The following GRB10 variants were observed in gnomAD, a reference collection of about 807,000 sequenced individuals.
GRB10 encodes growth factor receptor bound protein 10, also known as growth factor receptor-bound protein 10.
In GRB10, 20 loss-of-function variants were observed where a neutral mutation model predicts 80.9. That is an observed-to-expected ratio of 0.25 (90% CI 0.17 to 0.36). The LOEUF (loss-of-function observed/expected upper bound fraction) is 0.36, where lower values mean the gene tolerates loss of function less well. GRB10 is among the 10% of genes least tolerant of loss of function. GRB10 has a pLI of 1.00. For missense variants in GRB10, 548 were observed against 747.7 expected, an observed-to-expected ratio of 0.73 and a Z score of 3.12; for synonymous variants, 291 against 291.5, an observed-to-expected ratio of 1.00 and a Z score of 0.02.
rs1367983782 is a variant in GRB10 at position 50,592,271 on chromosome 7, G to A, written c.*681C>T. 6.4e-6 allele frequency: 1 copy of A among 155,870 alleles called. No homozygotes were observed. Among genetic ancestry groups the A allele is most frequent in the Non-Finnish European group, 1.4e-5 (1 of 70,468 alleles). The allele number at this position is 155,870 out of a possible 1,614,324, so 9.7% of individuals were successfully genotyped here. A position where few individuals can be genotyped will look rare whatever the true frequency, so the allele number is the denominator to read the frequency against. ...AATGATTAACAGACTGTGGTTGCTT[G>A]ACTGAGTCCACAAAATATGCCAAAT... is the stretch of plus-strand genomic sequence containing the variant. On this transcript the variant is annotated 3_prime_UTR_variant, in exon 19 of 19. Coordinates refer to ENST00000401949, the MANE Select transcript of GRB10 (RefSeq NM_001350814.2).
intron 3 of GRB10, among the ~76,000 whole-genome samples, chr7:50,733,322 ATT>A (rs2070217257): frequency 6.6e-6 from 1 of 152,166 alleles, no homozygotes; most frequent in African/African-American, 2.4e-5. Context: ...GATTTCTGCT[ATT>A]TAAGTCCCCT....
chr7:50,687,530 G>T (rs1002287881), intron 5 of GRB10, among the ~76,000 whole-genome samples: 1 of 151,892 alleles, frequency 6.6e-6, no homozygotes, highest in Non-Finnish European at 1.5e-5. Flanking sequence ...TTGCATGCAC[G>T]CTTCCCACAT....
intron 13 of GRB10, among the ~76,000 whole-genome samples, chr7:50,609,341 C>G (rs1334413712): frequency 6.6e-6 from 1 of 152,080 alleles, no homozygotes; most frequent in Non-Finnish European, 1.5e-5. Context: ...AGGTAAAAAT[C>G]ATTAAATAAA....
intron 4 of GRB10, among the ~76,000 whole-genome samples, chr7:50,725,671 A>C (rs1484152178): frequency 6.6e-6 from 1 of 152,228 alleles, no homozygotes; most frequent in Non-Finnish European, 1.5e-5. Flanking sequence ...GGGATGGAAA[A>C]TTAAAAGAAC....
chr7:50,613,269 G>A (rs1046802517), intron 12 of GRB10, among the ~76,000 whole-genome samples: 1 of 152,134 alleles, frequency 6.6e-6, no homozygotes, highest in Non-Finnish European at 1.5e-5. Context: ...AGGCCACTGA[G>A]AGGAGGGGCT....
At chr7:50,775,956 G>A (rs1223108158) in intron 2 of GRB10, among the ~76,000 whole-genome samples, 4 of 152,168 alleles carry the variant, frequency 2.6e-5, no homozygotes, top group African/African-American at 7.2e-5. Flanking sequence ...TCCTGCAGAC[G>A]CCCAAGGCCT....
At position 50,597,471 on chromosome 7, in the gene GRB10, C is replaced by T. The variant is rs1379672884; in HGVS notation, c.1545-1941G>A. Reference sequence around the variant, plus strand: ...CAGAGTCATGTCATTCCAAATAAAACATCGTTACTCTGACACCCAGAAGTT... The same window carrying T: ...CAGAGTCATGTCATTCCAAATAAAATATCGTTACTCTGACACCCAGAAGTT... On this transcript the variant is annotated intron_variant, in intron 17 of 18. Coordinates refer to ENST00000401949, the MANE Select transcript of GRB10 (RefSeq NM_001350814.2). Among the ~76,000 whole-genome samples the T allele has an allele frequency of 2.6e-5, 4 of 152,264 alleles. No individual in the cohort carries two copies. The East Asian group carries it at 7.7e-4, about 29-fold the overall frequency.
intron 4 of GRB10, among the ~76,000 whole-genome samples, chr7:50,721,594 G>A (rs940009557): frequency 6.6e-6 from 1 of 152,214 alleles, no homozygotes; most frequent in Non-Finnish European, 1.5e-5. Flanking sequence ...GCCCCGGTCT[G>A]TTAGCTCTTG....
chr7:50,603,340 C>T (rs2047943489), intron 17 of GRB10, among the ~76,000 whole-genome samples: 1 of 152,184 alleles, frequency 6.6e-6, no homozygotes, highest in African/African-American at 2.4e-5. Flanking sequence ...TTGCTTTGGT[C>T]AACGGGATGG....
chr7:50,689,713 G>A (rs556905711), intron 5 of GRB10, among the ~76,000 whole-genome samples: 2 of 152,278 alleles, frequency 1.3e-5, no homozygotes, highest in South Asian at 2.1e-4. Context: ...TTAATTCATA[G>A]TGGGGAATAT....
chr7:50,619,955 C>T (rs1426566693), intron 8 of GRB10, among the ~76,000 whole-genome samples: 1 of 152,202 alleles, frequency 6.6e-6, no homozygotes, highest in Admixed American at 6.5e-5. Context: ...TACGCACACG[C>T]CTCCTTCACA....
chr7:50,618,503 G>A lies in GRB10; in HGVS notation c.778-364C>T, dbSNP rs1418379853. On this transcript the variant is annotated intron_variant, in intron 9 of 18. Coordinates refer to ENST00000401949, the MANE Select transcript of GRB10 (RefSeq NM_001350814.2). The stretch of plus-strand genomic sequence containing the variant: ...AAAGGTAAGCCCAGTCACGAGAAAA[G>A]CCTGTTCTGCTGCATTCCCCAAAAA... 4.6e-5 allele frequency among the ~76,000 whole-genome samples: 7 copies of A among 152,202 alleles called. No homozygotes were observed. The East Asian group carries it at 1.3e-3, about 29-fold the overall frequency.
At chr7:50,594,094 A>G (rs2046226648) in intron 18 of GRB10, among the ~76,000 whole-genome samples, 1 of 152,180 alleles carries the variant, frequency 6.6e-6, no homozygotes, top group South Asian at 2.1e-4. Flanking sequence ...TAGAAGAACA[A>G]AAAGGATTGT....
chr7:50,640,002 A>G (rs935968836), intron 7 of GRB10, among the ~76,000 whole-genome samples: 2 of 152,238 alleles, frequency 1.3e-5, no homozygotes, highest in Non-Finnish European at 2.9e-5. Flanking sequence ...AAAGATAAGA[A>G]AGTATGGCAT....
At chr7:50,672,355 C>T (rs994590365) in intron 6 of GRB10, among the ~76,000 whole-genome samples, 1 of 152,220 alleles carries the variant, frequency 6.6e-6, no homozygotes, top group African/African-American at 2.4e-5. Context: ...ACACTGCCTC[C>T]CTCCGAGGGC....
At chr7:50,777,958 T>C (rs780427601) in intron 2 of GRB10, among the ~76,000 whole-genome samples, 6 of 152,018 alleles carry the variant, frequency 3.9e-5, no homozygotes, top group Non-Finnish European at 5.9e-5. Flanking sequence ...TCAGGACAAA[T>C]AGTTAATGCT....
chr7:50,723,893 G>A (rs2068159339), intron 4 of GRB10, among the ~76,000 whole-genome samples: 1 of 152,234 alleles, frequency 6.6e-6, no homozygotes, highest in South Asian at 2.1e-4. Flanking sequence ...AGGTCACACT[G>A]AGAGCTACAG....
rs143783172 is a variant in GRB10, at chr7:50,717,070, G to C, written c.52-13162C>G. On this transcript the variant is annotated intron_variant, in intron 4 of 18. Transcript: ENST00000401949. ...CTCACTTTTATTGTAGGCAAATTTG[G>C]ATCATACCCATTTCAAAAAGTTTGG... Among the ~76,000 whole-genome samples, 424 of 152,244 alleles carry C rather than the reference G, an allele frequency of 2.8e-3. 2 individuals carry two copies. The highest frequency in any genetic ancestry group is 9.5e-3 in the African/African-American group (393 of 41,552).
intron 5 of GRB10, among the ~76,000 whole-genome samples, chr7:50,700,183 C>T (rs2063977669): frequency 6.6e-6 from 1 of 152,138 alleles, no homozygotes; most frequent in African/African-American, 2.4e-5. Context: ...TTTAATATCA[C>T]TCATCTGCAA....
Sources: gnomAD v4.1 joint callset for allele counts (sites outside exome capture counted in the v4.1 genomes callset) on GRCh38, gnomAD v4.1.1 for gene constraint, MANE v1.5 for transcripts, NCBI Gene and HGNC (gene_info 2026-07-23, HGNC 2026-07-21) for gene names.